DAB2IP: variants seen among roughly 807,000 people sequenced by gnomAD.
The protein encoded by DAB2IP is DAB2 interacting protein.
Under a neutral mutation model 107.2 loss-of-function variants are expected in DAB2IP, and 28 were observed. The observed-to-expected ratio is 0.26, with a 90% CI of 0.19 to 0.36. DAB2IP has a LOEUF of 0.36. Ranked by LOEUF, DAB2IP falls within the 10% of genes least tolerant of loss-of-function variation. DAB2IP has a pLI of 1.00. For missense variants in DAB2IP, 1,400 were observed against 1,644.7 expected (o/e 0.85, Z 2.57); for synonymous variants, 755 against 706.4 (o/e 1.07, Z -1.09).
intron 1 of DAB2IP, among the ~76,000 whole-genome samples, chr9:121,590,147 T>A (rs1830397006): frequency 6.6e-6 from 1 of 151,660 alleles, no homozygotes. Context: ...TCTGACATCA[T>A]CTCATTCTCT....
chr9:121,567,310 G>T, intron 1 of DAB2IP: 7 of 1,598,370 alleles, frequency 4.4e-6, no homozygotes, highest in Non-Finnish European at 6.0e-6. Flanking sequence ...AGGAATCTGA[G>T]TTGAAGCAGG....
Position 121,651,793 on chromosome 9 carries a change from C to G in DAB2IP, c.18C>G (p.Ser6Arg). Reference sequence around the variant, plus strand: ...GCGGCAGCATGTCCGCGGGCGGCAGCGCCAGGAAGAGCACCGGGAGGTCCT... The same window carrying G: ...GCGGCAGCATGTCCGCGGGCGGCAGGGCCAGGAAGAGCACCGGGAGGTCCT... The change falls in exon 1 of 16, where the codon AGC (serine) becomes AGG (arginine). Residue 6 changes from serine to arginine, a missense_variant. Ser to Arg is a moderately radical substitution (Grantham distance 110). Around this residue, in one of 3 missense-constraint regions of DAB2IP, gnomAD observed 283 missense variants for 237.0 expected, o/e 1.19. Transcript: ENST00000408936. This position sits in a 1 kb window ranked among gnomAD's most constrained non-coding sequence, Gnocchi z 5.1. 1 of 1,425,304 alleles carries G rather than the reference C, an allele frequency of 7.0e-7. No individual in the cohort carries two copies. The highest frequency in any genetic ancestry group is 9.2e-7 in the Non-Finnish European group (1 of 1,084,128). 88.3% of individuals were successfully genotyped at this position (1,425,304 alleles called of 1,614,324 possible).
At chr9:121,646,926 A>T (rs1365983161), upstream of DAB2IP, among the ~76,000 whole-genome samples, 1 of 152,150 alleles carries the variant, frequency 6.6e-6, no homozygotes, top group African/African-American at 2.4e-5. Context: ...CTGCCTCTTG[A>T]CATTTCTTCT....
At chr9:121,743,689 G>T (rs1045799930) in intron 3 of DAB2IP, among the ~76,000 whole-genome samples, 1 of 152,206 alleles carries the variant, frequency 6.6e-6, no homozygotes, top group Non-Finnish European at 1.5e-5. Context: ...TCGGCTTCCC[G>T]AGCCTGGTGG....
intron 1 of DAB2IP, among the ~76,000 whole-genome samples, chr9:121,671,671 C>CT: frequency 6.6e-6 from 1 of 152,152 alleles, no homozygotes; most frequent in Non-Finnish European, 1.5e-5. Context: ...ACACCATTTC[C>CT]TTTTGCAACT....
At chr9:121,692,838 C>T (rs891941639) in intron 2 of DAB2IP, among the ~76,000 whole-genome samples, 8 of 152,148 alleles carry the variant, frequency 5.3e-5, no homozygotes, top group Admixed American at 6.6e-5. Context: ...CAGAGAAGCC[C>T]GGCAGCCTGC....
exon 4 of DAB2IP, chr9:121,757,075 G>T: frequency 6.2e-7 from 1 of 1,614,224 alleles, no homozygotes; most frequent in Non-Finnish European, 8.5e-7. Context: ...AGCCCCAGCA[G>T]TGCGGTGGAG....
At chr9:121,714,443 A>AGCT (rs1830488332) in intron 3 of DAB2IP, among the ~76,000 whole-genome samples, 2 of 152,222 alleles carry the variant, frequency 1.3e-5, no homozygotes, top group African/African-American at 4.8e-5. Context: ...CCGAGTCCTG[A>AGCT]GCAGCAGGGA....
rs138878078 is a variant in DAB2IP at position 121,672,778 on chromosome 9, G to A, written c.125-5900G>A. On this transcript the variant is annotated intron_variant, in intron 1 of 15. Transcript: ENST00000408936. Reference sequence around the variant, plus strand: ...AGAGATCGGCTGGGTCTCCCTTCCCGTGATCTAACCCTAGGAATGCCACTT... The same window carrying A: ...AGAGATCGGCTGGGTCTCCCTTCCCATGATCTAACCCTAGGAATGCCACTT... 5.8e-3 allele frequency among the ~76,000 whole-genome samples: 889 copies of A among 152,250 alleles called. 8 individuals are homozygous for A. Among genetic ancestry groups the A allele is most frequent in the Middle Eastern group, 0.027 (8 of 294 alleles).
rs1375695083 is a variant in DAB2IP at position 121,633,105 on chromosome 9, T to TG, written c.41-45567dup. Among the ~76,000 whole-genome samples, 13 of 152,288 alleles carry TG rather than the reference T, an allele frequency of 8.5e-5. 1 individual carries two copies. The South Asian group carries it at 2.1e-3, about 24-fold the overall frequency. The stretch of plus-strand genomic sequence containing the variant: ...TTTGTAGAGCATGTGGATGCATATT[T>TG]GGGGGGCTTAATCTTCTTAATAAAT... On this transcript the variant is annotated intron_variant, in intron 1 of 16. Transcript: ENST00000259371. This position sits in a 1 kb window ranked among gnomAD's most constrained non-coding sequence, Gnocchi z 5.1.
intron 14 of DAB2IP, among the ~76,000 whole-genome samples, chr9:121,781,197 G>T (rs897452899): frequency 6.6e-6 from 1 of 152,194 alleles, no homozygotes; most frequent in Non-Finnish European, 1.5e-5. Flanking sequence ...GAAGAACATC[G>T]GGAAAGGGGC....
intron 3 of DAB2IP, chr9:121,737,245 T>C: frequency 1.0e-6 from 1 of 985,402 alleles, no homozygotes; most frequent in Non-Finnish European, 1.2e-6. Flanking sequence ...AGCGATAGTT[T>C]GCTTTCAGGA....
At chr9:121,613,086 G>A (rs546646981) in intron 1 of DAB2IP, among the ~76,000 whole-genome samples, 4 of 152,222 alleles carry the variant, frequency 2.6e-5, no homozygotes, top group Admixed American at 2.0e-4. Context: ...GAAGATGCAG[G>A]TTTGGGATAA....
intron 1 of DAB2IP, among the ~76,000 whole-genome samples, chr9:121,643,633 T>C (rs949242493): frequency 6.6e-6 from 1 of 152,060 alleles, no homozygotes; most frequent in African/African-American, 2.4e-5. Flanking sequence ...CTGCTCGCTA[T>C]GCAGTCAACT....
rs574331216 is a variant in DAB2IP at position 121,695,155 on chromosome 9, AAG to A, written c.229-4165_229-4164del. On this transcript the variant is annotated intron_variant, in intron 2 of 15. Transcript: ENST00000408936. The stretch of plus-strand genomic sequence containing the variant: ...TAGGAAAAAAAAAAAGTGCTTGTTT[AAG>A]AGAGTTCAAAACTACCAAACTGGAT... Among the ~76,000 whole-genome samples the A allele has an allele frequency of 1.1e-4, 16 of 152,186 alleles. No individual in the cohort carries two copies. In the South Asian group the frequency reaches 3.3e-3, roughly 32 times the overall value.
At chr9:121,641,093 T>C (rs1395554578) in intron 1 of DAB2IP, among the ~76,000 whole-genome samples, 1 of 152,180 alleles carries the variant, frequency 6.6e-6, no homozygotes, top group East Asian at 1.9e-4. Context: ...TGGGGGATGC[T>C]GATATCCAGG....
intron 3 of DAB2IP, among the ~76,000 whole-genome samples, chr9:121,717,870 G>T (rs1830695678): frequency 6.6e-6 from 1 of 152,214 alleles, no homozygotes; most frequent in African/African-American, 2.4e-5. Context: ...GCTGAGCCTG[G>T]GTTGTTGAAA....
intron 3 of DAB2IP, among the ~76,000 whole-genome samples, chr9:121,724,226 T>G (rs1831097497): frequency 1.3e-5 from 2 of 152,084 alleles, no homozygotes; most frequent in African/African-American, 4.8e-5. Context: ...TGACTCAGGT[T>G]CCTTCCTGTG....
intron 1 of DAB2IP, among the ~76,000 whole-genome samples, chr9:121,613,343 A>G (rs1831159173): frequency 6.6e-6 from 1 of 152,210 alleles, no homozygotes; most frequent in African/African-American, 2.4e-5. Context: ...TGTTGTTGAC[A>G]TCCTCCTCAC....
Sources: gnomAD v4.1 joint callset for allele counts (sites outside exome capture counted in the v4.1 genomes callset) on GRCh38, gnomAD v4.1.1 for gene constraint, gnomAD v4.1.1 regional missense constraint, Gnocchi (gnomAD v3.1) non-coding constraint, MANE v1.5 for transcripts, NCBI Gene and HGNC (gene_info 2026-07-23, HGNC 2026-07-21) for gene names.